Variants in MBNL1 observed in about 807,000 individuals in gnomAD.
MBNL1 encodes the protein muscleblind-like protein 1.
MBNL1 carries 8 observed loss-of-function variants against 42.2 expected under a neutral mutation model. The ratio of observed to expected loss-of-function variants is 0.19; its 90% CI spans 0.11 to 0.34. The LOEUF is 0.34. Ranked by LOEUF, MBNL1 falls within the 10% of genes least tolerant of loss-of-function variation. MBNL1 has a pLI of 1.00. For missense variants in MBNL1, 309 were observed against 495.3 expected, an observed-to-expected ratio of 0.62 and a Z score of 3.57; for synonymous variants, 169 against 173.9, an observed-to-expected ratio of 0.97 and a Z score of 0.22.
intron 2 of MBNL1, among the ~76,000 whole-genome samples, chr3:152,317,407 C>A (rs1451553103): frequency 6.6e-6 from 1 of 152,084 alleles, no homozygotes; most frequent in Non-Finnish European, 1.5e-5. Flanking sequence ...GCAACTTCCA[C>A]TTCCTGGGTT....
chr3:152,247,784 T>A (rs922179795), intron 2 of MBNL1, among the ~76,000 whole-genome samples: 1 of 152,056 alleles, frequency 6.6e-6, no homozygotes, highest in Admixed American at 6.6e-5. Context: ...TTTTATTTAA[T>A]TTTTTTGCTT....
At chr3:152,263,864 C>T (rs1271334270), upstream of MBNL1, 1 of 151,962 alleles carries the variant, frequency 6.6e-6, no homozygotes, top group African/African-American at 2.4e-5. Context: ...TTCCCTCTTC[C>T]TTGACTGTAA....
intron 2 of MBNL1, among the ~76,000 whole-genome samples, chr3:152,366,068 C>G (rs772549142): frequency 3.9e-5 from 6 of 152,064 alleles, no homozygotes; most frequent in Non-Finnish European, 7.4e-5. Context: ...GTTGGCTTAA[C>G]ACTTTCTAAA....
intron 1 of MBNL1, chr3:152,269,649 A>G (rs576437561): frequency 6.1e-6 from 2 of 327,538 alleles, no homozygotes; most frequent in Admixed American, 3.5e-5. Flanking sequence ...GCTGTATTTC[A>G]GGCCAGTTTG....
intron 3 of MBNL1, among the ~76,000 whole-genome samples, chr3:152,417,159 T>A (rs2098715569): frequency 6.6e-6 from 1 of 152,240 alleles, no homozygotes; most frequent in Admixed American, 6.5e-5. Context: ...GAAATTTGCC[T>A]TCAAAACCTC....
intron 1 of MBNL1, among the ~76,000 whole-genome samples, chr3:152,283,442 T>C (rs10513423): frequency 0.072 from 10,998 of 152,266 alleles, 517 homozygotes; most frequent in Middle Eastern, 0.17. Context: ...CAAGTACTTA[T>C]GATGAAATTG....
chr3:152,433,754 A>AG (rs2099040614), intron 4 of MBNL1, among the ~76,000 whole-genome samples: 1 of 151,908 alleles, frequency 6.6e-6, no homozygotes, highest in Non-Finnish European at 1.5e-5. Flanking sequence ...CGTCTCAAAA[A>AG]AAAAAAAAAA....
At chr3:152,372,101 A>G (rs2096690050) in intron 2 of MBNL1, among the ~76,000 whole-genome samples, 1 of 152,110 alleles carries the variant, frequency 6.6e-6, no homozygotes, top group Non-Finnish European at 1.5e-5. Context: ...TTGGCTATTG[A>G]TACTTGTGTA....
At chr3:152,279,540 G>A (rs1200893423) in intron 1 of MBNL1, among the ~76,000 whole-genome samples, 1 of 152,002 alleles carries the variant, frequency 6.6e-6, no homozygotes, top group Non-Finnish European at 1.5e-5. Context: ...TTTGATGATG[G>A]GTTACAAATA....
Position 152,283,376 on chromosome 3 carries a change from CTGT to C in MBNL1, c.-790+14296_-790+14298del, listed in dbSNP as rs201175369. 1.3e-3 allele frequency among the ~76,000 whole-genome samples: 196 copies of C among 152,176 alleles called. 1 individual carries two copies. The highest frequency in any genetic ancestry group is 2.0e-3 in the Non-Finnish European group (134 of 67,992). On this transcript the variant is annotated intron_variant, in intron 1 of 9. Coordinates refer to ENST00000324210, the MANE Select transcript of MBNL1 (RefSeq NM_021038.5). Reference sequence around the variant, plus strand: ...AAAGTAAAGTGCACATCAGATAGGACTGTTGTTGTTGTTGGTGGTGGTGTTTTT... The same window carrying C: ...AAAGTAAAGTGCACATCAGATAGGACTGTTGTTGTTGGTGGTGGTGTTTTT...
intron 5 of MBNL1, among the ~76,000 whole-genome samples, chr3:152,447,374 CAT>C (rs546101263): frequency 6.5e-4 from 99 of 151,918 alleles, no homozygotes; most frequent in Non-Finnish European, 1.1e-3. Context: ...CACATTATAA[CAT>C]GTGCTCTTGT....
At chr3:152,421,275 T>C (rs1018396407) in intron 3 of MBNL1, among the ~76,000 whole-genome samples, 4 of 152,138 alleles carry the variant, frequency 2.6e-5, no homozygotes, top group African/African-American at 9.7e-5. Flanking sequence ...GGAGATTTTT[T>C]TCGTACCCCA....
chr3:152,364,700 A>G (rs1234262430), intron 2 of MBNL1, among the ~76,000 whole-genome samples: 1 of 152,106 alleles, frequency 6.6e-6, no homozygotes, highest in Non-Finnish European at 1.5e-5. Flanking sequence ...AGCTTCTCAT[A>G]AAATATTTTG....
intron 1 of MBNL1, among the ~76,000 whole-genome samples, chr3:152,284,971 T>C (rs1380232909): frequency 6.6e-6 from 1 of 152,194 alleles, no homozygotes; most frequent in African/African-American, 2.4e-5. Context: ...ACAATCTTAA[T>C]TGAGAAGACA....
chr3:152,306,276 A>G (rs923673161), intron 2 of MBNL1, among the ~76,000 whole-genome samples: 8 of 152,192 alleles, frequency 5.3e-5, no homozygotes, highest in Admixed American at 2.0e-4. Context: ...CCTCCCCAGC[A>G]TTTGGTATAA....
In MBNL1 at chr3:152,327,781, A is replaced by G. The variant is rs532305650; in HGVS notation, c.174+27414A>G. ...TATCATATACTATATTTTTTTCTAT[A>G]TATATATATGCTACTATATAGTCAT... On this transcript the variant is annotated intron_variant, in intron 2 of 9. Transcript: ENST00000324210. Among the ~76,000 whole-genome samples the G allele has an allele frequency of 3.3e-5, 5 of 151,694 alleles. No individual in the cohort carries two copies. The East Asian group carries it at 9.7e-4, about 29-fold the overall frequency.
chr3:152,360,280 A>G (rs2095839071), intron 2 of MBNL1, among the ~76,000 whole-genome samples: 1 of 152,182 alleles, frequency 6.6e-6, no homozygotes. Flanking sequence ...TGTTAAACCA[A>G]TCATAACAAA....
At chr3:152,268,892 G>A (rs761535448), upstream of MBNL1, 15 of 454,760 alleles carry the variant, frequency 3.3e-5, no homozygotes, top group Middle Eastern at 4.5e-3. Context: ...GCGGAAGCCA[G>A]ACCTCGGCGA....
At chr3:152,302,451 T>C (rs1340438558) in intron 2 of MBNL1, 1 of 152,184 alleles carries the variant, frequency 6.6e-6, no homozygotes, top group African/African-American at 2.4e-5. Context: ...TAAAACAATT[T>C]TGAATATGTA....
Sources: gnomAD v4.1 joint callset for allele counts (sites outside exome capture counted in the v4.1 genomes callset) on GRCh38, gnomAD v4.1.1 for gene constraint, MANE v1.5 for transcripts, NCBI Gene and HGNC (gene_info 2026-07-23, HGNC 2026-07-21) for gene names.